HERC2: variants seen among roughly 807,000 people sequenced by gnomAD.
HERC2 encodes the protein HECT and RLD domain containing E3 ubiquitin protein ligase 2.
HERC2 carries 102 observed loss-of-function variants against 537.7 expected under a neutral mutation model. The ratio of observed to expected loss-of-function variants is 0.19; its 90% CI spans 0.16 to 0.22. The LOEUF (loss-of-function observed/expected upper bound fraction) is 0.22, where lower values mean the gene tolerates loss of function less well. Ranked by LOEUF, HERC2 falls within the 10% of genes least tolerant of loss-of-function variation. The pLI is 1.00. For missense variants in HERC2, 4,236 were observed against 6,198.2 expected, an observed-to-expected ratio of 0.68 and a Z score of 10.63; for synonymous variants, 2,224 against 2,466.2, an observed-to-expected ratio of 0.90 and a Z score of 2.91.
chr15:28,203,609 C>G (rs1001840765), intron 45 of HERC2: 1 of 151,992 alleles, frequency 6.6e-6, no homozygotes, highest in Non-Finnish European at 1.5e-5. Flanking sequence ...ACGAGTACAA[C>G]CCCTGACCCC....
chr15:28,162,204 C>G (rs926020275), intron 69 of HERC2, among the ~76,000 whole-genome samples: 3 of 152,202 alleles, frequency 2.0e-5, no homozygotes, highest in Non-Finnish European at 4.4e-5. Flanking sequence ...GTGGCGCATG[C>G]CTGTAATCCC....
Position 28,176,102 on chromosome 15 carries a change from G to T in HERC2, c.9686+326C>A, listed in dbSNP as rs996303762. Among the ~76,000 whole-genome samples, 1 of 152,144 alleles carries T rather than the reference G, an allele frequency of 6.6e-6. No homozygotes were observed. The highest frequency in any genetic ancestry group is 1.5e-5 in the Non-Finnish European group (1 of 68,022). On this transcript the variant is annotated intron_variant, in intron 63 of 92. Coordinates refer to ENST00000261609, the MANE Select transcript of HERC2 (RefSeq NM_004667.6). The surrounding 1 kb of genome is among the most constrained non-coding windows in gnomAD (Gnocchi z 5.0). ...AAGAAACACATGTTAACTTTTTCAG[G>T]ATCAAAGGATTCAGAAGGCTATTTT...
Position 28,228,355 on chromosome 15 carries a change from C to T in HERC2, c.5327G>A (p.Ser1776Asn), listed in dbSNP as rs769329542. ...GCGGGCTTGCGGGATGGTCCCCAGGCTCGGTCCTGACGGGTTCTCATTGGT... is the reference window on the plus strand; with the variant it reads ...GCGGGCTTGCGGGATGGTCCCCAGGTTCGGTCCTGACGGGTTCTCATTGGT... ...TITNENPSGP[S>N]LGTIPQARFL... is the part of the protein sequence containing the mutation. The change falls in exon 35 of 93, where the codon AGC becomes AAC. Residue 1776 changes from serine (S) to asparagine (N), a missense_variant. Around this residue, in one of 27 missense-constraint regions of HERC2, gnomAD observed 343 missense variants for 417.2 expected, o/e 0.82. Transcript: ENST00000261609. 3 of 1,612,102 alleles carry T rather than the reference C, an allele frequency of 1.9e-6. No homozygotes were observed. Among genetic ancestry groups the T allele is most frequent in the Non-Finnish European group, 2.5e-6 (3 of 1,179,854 alleles).
intron 30 of HERC2, among the ~76,000 whole-genome samples, chr15:28,231,077 T>C (rs1901791002): frequency 6.6e-6 from 1 of 152,200 alleles, no homozygotes; most frequent in South Asian, 2.1e-4. Flanking sequence ...GTTCTGTTAC[T>C]GTGTAACTGA....
chr15:28,128,757 A>G (rs888076393), intron 83 of HERC2, among the ~76,000 whole-genome samples: 1 of 152,162 alleles, frequency 6.6e-6, no homozygotes, highest in Admixed American at 6.5e-5. Context: ...GAAGCCCCGC[A>G]TGGGTCTGTC....
At chr15:28,214,023 A>G in intron 41 of HERC2, 51 bp from the exon 42 acceptor site, 1 of 1,610,484 alleles carries the variant, frequency 6.2e-7, no homozygotes, top group Non-Finnish European at 8.5e-7. Context: ...GGAGCTGCCC[A>G]ATCCCTACAG....
chr15:28,117,445 C>G (rs1401676785), intron 86 of HERC2: 1 of 670,844 alleles, frequency 1.5e-6, no homozygotes, highest in Middle Eastern at 3.7e-4. Context: ...CACACACCAC[C>G]ACCACGTCCA....
chr15:28,262,854 T>G, intron 15 of HERC2, 64 bp downstream of exon 15: 1 of 1,517,772 alleles, frequency 6.6e-7, no homozygotes, highest in Non-Finnish European at 8.9e-7. Context: ...TAAAACCTGC[T>G]AACTTTAAAA....
chr15:28,217,830 C>T (rs1900096990), intron 38 of HERC2, among the ~76,000 whole-genome samples: 1 of 151,896 alleles, frequency 6.6e-6, no homozygotes, highest in Non-Finnish European at 1.5e-5. Context: ...ACAATGCGTC[C>T]CAACACCAAG....
intron 3 of HERC2, among the ~76,000 whole-genome samples, chr15:28,298,953 C>A (rs2076547200): frequency 6.6e-6 from 1 of 152,118 alleles, no homozygotes; most frequent in African/African-American, 2.4e-5. Flanking sequence ...TGGTTCTCAA[C>A]CAAGGATCTT....
intron 14 of HERC2, among the ~76,000 whole-genome samples, chr15:28,264,580 T>C (rs1468462718): frequency 6.6e-6 from 1 of 152,076 alleles, no homozygotes; most frequent in Non-Finnish European, 1.5e-5. Flanking sequence ...CCCTACAAGA[T>C]CTGCACCAAA....
chr15:28,162,437 A>T (rs1466727293), intron 69 of HERC2, among the ~76,000 whole-genome samples: 1 of 152,256 alleles, frequency 6.6e-6, no homozygotes, highest in African/African-American at 2.4e-5. Flanking sequence ...AAAAAAACTG[A>T]CAGATTTGAC....
rs764614115 is a variant in HERC2 at position 28,116,825 on chromosome 15, G to A, written c.13449C>T (p.Ser4483=). The change falls in exon 88 of 93, where the codon AGC becomes AGT. Residue 4483 remains serine (S), a synonymous_variant. Transcript: ENST00000261609. ...ESVDDCGGGY[S]ESIAEICEEL... ...CCTCACAGATCTCAGCTATGGACTC[G>A]CTGTAGCCGCCCCCACAGTCATCCA... 13 of 1,613,026 alleles carry A rather than the reference G, an allele frequency of 8.1e-6. No individual in the cohort carries two copies. The highest frequency in any genetic ancestry group is 4.0e-5 in the African/African-American group (3 of 74,908).
At chr15:28,261,931 G>A (rs1196412845) in intron 15 of HERC2, among the ~76,000 whole-genome samples, 1 of 152,138 alleles carries the variant, frequency 6.6e-6, no homozygotes. Flanking sequence ...GTAGTACCAG[G>A]ACCCAACGAA....
intron 48 of HERC2, among the ~76,000 whole-genome samples, chr15:28,200,385 ACT>A (rs1378538578): frequency 6.6e-6 from 1 of 151,560 alleles, no homozygotes; most frequent in African/African-American, 2.4e-5. Flanking sequence ...ACAGAGCGAG[ACT>A]CTGCCTCAAA....
chr15:28,238,363 G>A (rs1240860981), intron 24 of HERC2, 146 bp from the exon 25 acceptor site: 14 of 793,386 alleles, frequency 1.8e-5, no homozygotes, highest in Non-Finnish European at 3.0e-5. Context: ...GTCTCCCAGG[G>A]TTGCCTGGGC....
chr15:28,291,802 G>GA (rs1301742949), intron 4 of HERC2, among the ~76,000 whole-genome samples: 1 of 149,722 alleles, frequency 6.7e-6, no homozygotes, highest in Non-Finnish European at 1.5e-5. Context: ...CTACTCGGAA[G>GA]GCTGAGGCAG....
rs1209152305 is a variant in HERC2 at position 28,268,351 on chromosome 15, G to A, written c.1598+114C>T. 5.8e-5 allele frequency: 54 copies of A among 938,464 alleles called. No individual in the cohort carries two copies. Among genetic ancestry groups the A allele is most frequent in the Non-Finnish European group, 8.3e-5 (51 of 613,482 alleles). 58.1% of individuals were successfully genotyped at this position (938,464 alleles called of 1,614,324 possible). On this transcript the variant is annotated intron_variant, in intron 12 of 92. Coordinates refer to ENST00000261609, the MANE Select transcript of HERC2 (RefSeq NM_004667.6). The surrounding 1 kb of genome is among the most constrained non-coding windows in gnomAD (Gnocchi z 4.7). ...TCGTAGTGTCCTGCTCCATCCCAGC[G>A]CTACATGTCAGGGCAATTGGAAAAC... is the stretch of plus-strand genomic sequence containing the variant.
chr15:28,292,579 T>G (rs2076347280), intron 4 of HERC2, among the ~76,000 whole-genome samples: 1 of 151,526 alleles, frequency 6.6e-6, no homozygotes, highest in South Asian at 2.1e-4. Flanking sequence ...AACTCAGGAG[T>G]GTGAGGCAGG....
Sources: gnomAD v4.1 joint callset for allele counts (sites outside exome capture counted in the v4.1 genomes callset) on GRCh38, gnomAD v4.1.1 for gene constraint, gnomAD v4.1.1 regional missense constraint, Gnocchi (gnomAD v3.1) non-coding constraint, MANE v1.5 for transcripts, NCBI Gene and HGNC (gene_info 2026-07-23, HGNC 2026-07-21) for gene names.